The following HGSNAT variants were observed in gnomAD, a reference collection of about 807,000 sequenced individuals.
The protein encoded by HGSNAT is heparan-alpha-glucosaminide N-acetyltransferase.
A neutral mutation model predicts 85.2 loss-of-function variants in HGSNAT; 59 were observed. That is an observed-to-expected ratio of 0.69 (90% CI 0.56 to 0.86). The LOEUF (loss-of-function observed/expected upper bound fraction) is 0.86. HGSNAT is among the 40% of genes least tolerant of loss of function. The probability of loss-of-function intolerance (pLI) is 0.00; values close to 1 mark genes in which losing one functional copy is unlikely to be tolerated. For missense variants in HGSNAT, 756 were observed against 777.1 expected, an observed-to-expected ratio of 0.97 and a Z score of 0.32; for synonymous variants, 321 against 304.5, an observed-to-expected ratio of 1.05 and a Z score of -0.56.
rs764969743 is a variant in HGSNAT at position 43,196,395 on chromosome 8, C to T, written c.1465-553C>T. On this transcript the variant is annotated intron_variant, in intron 14 of 17. Transcript: ENST00000379644. Reference sequence around the variant, plus strand: ...TGTTTCCCTGCCTCCCCCACCCTGCCTCTGGTTCCACCCTGTCCCGGTCCC... The same window carrying T: ...TGTTTCCCTGCCTCCCCCACCCTGCTTCTGGTTCCACCCTGTCCCGGTCCC... 315 of 1,182,766 alleles carry T rather than the reference C, an allele frequency of 2.7e-4. 1 individual carries two copies. The highest frequency in any genetic ancestry group is 1.7e-3 in the Admixed American group (73 of 43,248). 73.3% of individuals were successfully genotyped at this position (1,182,766 alleles called of 1,614,324 possible). A position where few individuals can be genotyped will look rare whatever the true frequency, so the allele number is the denominator to read the frequency against.
chr8:43,192,015 G>A lies in HGSNAT; in HGVS notation c.1251-289G>A, dbSNP rs141464042. Among the ~76,000 whole-genome samples, 3,536 of 151,930 alleles carry A rather than the reference G, an allele frequency of 0.023. 130 individuals carry two copies. Among genetic ancestry groups the A allele is most frequent in the African/African-American group, 0.08 (3,295 of 41,406 alleles). Reference sequence around the variant, plus strand: ...ATGAACTCGGCTCACTGCAACCTGCGCCTCCCAGGTTCAAGCGATTCTCCT... The same window carrying A: ...ATGAACTCGGCTCACTGCAACCTGCACCTCCCAGGTTCAAGCGATTCTCCT... On this transcript the variant is annotated intron_variant, in intron 12 of 17. Transcript: ENST00000379644.
In HGSNAT at chr8:43,199,702, T is replaced by C; in HGVS notation, c.*133T>C. 1 of 592,270 alleles carries C rather than the reference T, an allele frequency of 1.7e-6. No individual in the cohort carries two copies. Among genetic ancestry groups the C allele is most frequent in the Admixed American group, 3.7e-5 (1 of 26,846 alleles). 36.7% of individuals were successfully genotyped at this position (592,270 alleles called of 1,614,324 possible). On this transcript the variant is annotated 3_prime_UTR_variant, in exon 18 of 18. Coordinates refer to ENST00000379644, the MANE Select transcript of HGSNAT (RefSeq NM_152419.3). The stretch of plus-strand genomic sequence containing the variant: ...GTTTACAGACTCTGGGGGAAGACAC[T>C]GATGTCCTCAAACTGGTTAACTGTG...
chr8:43,181,263 G>A (rs1804113213), intron 10 of HGSNAT, among the ~76,000 whole-genome samples: 2 of 149,974 alleles, frequency 1.3e-5, no homozygotes, highest in South Asian at 4.3e-4. Flanking sequence ...ATAGTGTGCG[G>A]CAGTTCACGA....
In HGSNAT at chr8:43,199,614, C is replaced by A. The variant is rs527773351; in HGVS notation, c.*45C>A. Reference sequence around the variant, plus strand: ...CTGCTGGAAGACTCTAGTAGGCCTGCAGGGAGGACTGAAGCAGCCTTTGTT... The same window carrying A: ...CTGCTGGAAGACTCTAGTAGGCCTGAAGGGAGGACTGAAGCAGCCTTTGTT... On this transcript the variant is annotated 3_prime_UTR_variant, in exon 18 of 18. Coordinates refer to ENST00000379644, the MANE Select transcript of HGSNAT (RefSeq NM_152419.3). 5 of 1,400,468 alleles carry A rather than the reference C, an allele frequency of 3.6e-6. No individual in the cohort carries two copies. Among genetic ancestry groups the A allele is most frequent in the Non-Finnish European group, 4.8e-6 (5 of 1,051,296 alleles). 86.8% of individuals were successfully genotyped at this position (1,400,468 alleles called of 1,614,324 possible). A position where few individuals can be genotyped will look rare whatever the true frequency, so the allele number is the denominator to read the frequency against.
chr8:43,168,658 A>G (rs1005270375), intron 5 of HGSNAT, among the ~76,000 whole-genome samples: 19 of 152,060 alleles, frequency 1.2e-4, no homozygotes, highest in Non-Finnish European at 2.9e-5. Context: ...CGGCCCCCCA[A>G]AGTGCTGGGA....
chr8:43,191,879 G>A (rs963175270), intron 12 of HGSNAT, among the ~76,000 whole-genome samples: 2 of 152,100 alleles, frequency 1.3e-5, no homozygotes, highest in Non-Finnish European at 2.9e-5. Context: ...GCTGGCTCAT[G>A]TTTGGGGCTC....
chr8:43,145,316 T>A (rs906097642), intron 1 of HGSNAT, among the ~76,000 whole-genome samples: 1 of 152,154 alleles, frequency 6.6e-6, no homozygotes, highest in African/African-American at 2.4e-5. Context: ...AAAAAAGCAT[T>A]CTTTAACCTA....
chr8:43,144,258 G>A (rs1802644055), intron 1 of HGSNAT, among the ~76,000 whole-genome samples: 1 of 151,234 alleles, frequency 6.6e-6, no homozygotes. Context: ...TCAGGAGGTT[G>A]AGGCTGCAGT....
intron 11 of HGSNAT, chr8:43,182,496 T>A: frequency 1.9e-6 from 1 of 525,572 alleles, no homozygotes; most frequent in Non-Finnish European, 3.5e-6. Flanking sequence ...CAGGCTGGGG[T>A]GCAGTGGTGT....
rs753027018 is a variant in HGSNAT, at chr8:43,161,510, A to G, written c.563+3A>G. On this transcript the variant is annotated splice_donor_region_variant and intron_variant, in intron 5 of 17. Coordinates refer to ENST00000379644, the MANE Select transcript of HGSNAT (RefSeq NM_152419.3). ...TCCTTTCTGAGGCTCTTGTTGAGGTAAGATATTTGGGGAGGACGCCACTGG... is the reference window on the plus strand; with the variant it reads ...TCCTTTCTGAGGCTCTTGTTGAGGTGAGATATTTGGGGAGGACGCCACTGG... The G allele has an allele frequency of 1.0e-5, 16 of 1,602,156 alleles. No individual in the cohort carries two copies. The highest frequency in any genetic ancestry group is 4.3e-6 in the Non-Finnish European group (5 of 1,174,438).
chr8:43,161,329 T>C (rs776583400), intron 4 of HGSNAT, 109 bp from the exon 5 acceptor site: 4 of 801,542 alleles, frequency 5.0e-6, no homozygotes, highest in Non-Finnish European at 8.2e-6. Flanking sequence ...CATGAGAATA[T>C]AGGCTTCCCC....
chr8:43,149,122 T>A (rs1364561744), intron 2 of HGSNAT, among the ~76,000 whole-genome samples: 2 of 148,614 alleles, frequency 1.3e-5, no homozygotes, highest in African/African-American at 5.0e-5. Flanking sequence ...TCTCAAAAAA[T>A]AAATAAATAA....
intron 11 of HGSNAT, among the ~76,000 whole-genome samples, chr8:43,183,791 C>A (rs1804215344): frequency 6.6e-6 from 1 of 152,162 alleles, no homozygotes; most frequent in African/African-American, 2.4e-5. Context: ...CCCTTTCCCC[C>A]TGCCCCACAA....
chr8:43,195,480 TAGGAGGAGGAGAAGGAAGAGGAGG>T (rs1804673930), intron 14 of HGSNAT, among the ~76,000 whole-genome samples: 1 of 144,732 alleles, frequency 6.9e-6, no homozygotes, highest in South Asian at 2.2e-4. Context: ...GTATGAGTAG[TAGGAGGAGGAGAAGGAAGAGGAGG>T]AGGAGGAGGA....
chr8:43,195,878 C>T (rs756258174), intron 14 of HGSNAT: 17 of 156,168 alleles, frequency 1.1e-4, no homozygotes, highest in Non-Finnish European at 1.7e-4. Flanking sequence ...CAGTTCAAAC[C>T]TGTGTTGTTC....
intron 5 of HGSNAT, among the ~76,000 whole-genome samples, chr8:43,165,075 A>G (rs1479451232): frequency 7.9e-6 from 1 of 125,990 alleles, no homozygotes; most frequent in African/African-American, 3.0e-5. Flanking sequence ...TTTTTTTAGT[A>G]GAGATGAAGT....
intron 5 of HGSNAT, among the ~76,000 whole-genome samples, chr8:43,165,865 G>C (rs1269971487): frequency 6.6e-6 from 1 of 152,218 alleles, no homozygotes; most frequent in Non-Finnish European, 1.5e-5. Context: ...GAACCCGGGA[G>C]TCAGAAGTTG....
intron 5 of HGSNAT, among the ~76,000 whole-genome samples, chr8:43,164,145 G>C (rs988814363): frequency 1.3e-5 from 2 of 152,194 alleles, no homozygotes; most frequent in African/African-American, 2.4e-5. Flanking sequence ...TGCATGAAAT[G>C]ATATGATGTC....
At chr8:43,143,720 T>C (rs1206779373) in intron 1 of HGSNAT, among the ~76,000 whole-genome samples, 4 of 150,010 alleles carry the variant, frequency 2.7e-5, no homozygotes, top group African/African-American at 5.0e-5. Flanking sequence ...TTTTTTTTTG[T>C]ATTTTTTAGT....
Sources: gnomAD v4.1 joint callset for allele counts (sites outside exome capture counted in the v4.1 genomes callset) on GRCh38, gnomAD v4.1.1 for gene constraint, MANE v1.5 for transcripts, NCBI Gene and HGNC (gene_info 2026-07-23, HGNC 2026-07-21) for gene names.